The following HERC1 variants were observed in gnomAD, a reference collection of about 807,000 sequenced individuals.
The protein encoded by HERC1 is HECT and RLD domain containing E3 ubiquitin protein ligase family member 1.
Under a neutral mutation model 554.3 loss-of-function variants are expected in HERC1, and 160 were observed. That is an observed-to-expected ratio of 0.29 (90% CI 0.25 to 0.33). The LOEUF (loss-of-function observed/expected upper bound fraction) is 0.33. Ranked by LOEUF, HERC1 falls within the 10% of genes least tolerant of loss-of-function variation. The pLI is 1.00. For synonymous variants in HERC1, 2,175 were observed against 2,131.7 expected (o/e 1.02, Z -0.56); for missense variants, 4,919 against 5,918.5 (o/e 0.83, Z 5.54).
chr15:63,628,572 G>T (rs1191270043), intron 70 of HERC1, 105 bp downstream of exon 70: 7 of 1,208,408 alleles, frequency 5.8e-6, no homozygotes, highest in African/African-American at 1.5e-5. Flanking sequence ...AGGCTTGATG[G>T]TTTCACAACG....
chr15:63,706,052 A>AAG (rs1596023236), intron 25 of HERC1, among the ~76,000 whole-genome samples: 2 of 149,386 alleles, frequency 1.3e-5, no homozygotes, highest in East Asian at 1.9e-4. Flanking sequence ...AAAAAAAAAA[A>AAG]GCAGCAGTAC....
At chr15:63,707,107 AT>A (rs1466717998) in intron 24 of HERC1, among the ~76,000 whole-genome samples, 2 of 152,190 alleles carry the variant, frequency 1.3e-5, no homozygotes, top group Non-Finnish European at 2.9e-5. Flanking sequence ...TTCCATTGGA[AT>A]CTTTGTCTTT....
intron 1 of HERC1, among the ~76,000 whole-genome samples, chr15:63,827,456 A>C (rs1052235542): frequency 6.6e-6 from 1 of 152,130 alleles, no homozygotes; most frequent in Non-Finnish European, 1.5e-5. Context: ...AATGAAAGGA[A>C]TATCTCTTCA....
chr15:63,624,818 A>T (rs767800938), intron 71 of HERC1, among the ~76,000 whole-genome samples: 1 of 152,254 alleles, frequency 6.6e-6, no homozygotes, highest in Non-Finnish European at 1.5e-5. Flanking sequence ...ATATATAATT[A>T]CCATTTTTAA....
chr15:63,750,828 G>A lies in HERC1; in HGVS notation c.1903-1037C>T, dbSNP rs2075214687. On this transcript the variant is annotated intron_variant, in intron 8 of 77. Coordinates refer to ENST00000443617, the MANE Select transcript of HERC1 (RefSeq NM_003922.4). Reference sequence around the variant, plus strand: ...CAGGCCTGTGGTCCCAGCTACTCGGGAGCTGGGATGGGGAAGATCTCTTGA... The same window carrying A: ...CAGGCCTGTGGTCCCAGCTACTCGGAAGCTGGGATGGGGAAGATCTCTTGA... Among the ~76,000 whole-genome samples, 4 of 152,262 alleles carry A rather than the reference G, an allele frequency of 2.6e-5. No individual in the cohort carries two copies. The South Asian group carries it at 8.3e-4, about 32-fold the overall frequency.
At chr15:63,768,311 G>A (rs1252595091) in intron 2 of HERC1, among the ~76,000 whole-genome samples, 1 of 152,242 alleles carries the variant, frequency 6.6e-6, no homozygotes, top group African/African-American at 2.4e-5. Flanking sequence ...AGTAAGTAGA[G>A]AAGAAGCCTA....
In HERC1 at chr15:63,640,356, C is replaced by A; in HGVS notation, c.11697G>T (p.Leu3899=). ...SLAVGLHLDQ[L]LCNPPVPPHH... is the part of the protein sequence containing the mutation. Reference sequence around the variant, plus strand: ...GTGGTGGCACTGGAGGGTTACACAACAGCTGATCCAGATGAAGTCCCACAG... The same window carrying A: ...GTGGTGGCACTGGAGGGTTACACAAAAGCTGATCCAGATGAAGTCCCACAG... Residue 3899 remains leucine (L), a synonymous_variant, in exon 61 of 78, where the codon CTG becomes CTT. Transcript: ENST00000443617. The A allele has an allele frequency of 1.2e-6, 2 of 1,613,816 alleles. No individual in the cohort carries two copies. The highest frequency in any genetic ancestry group is 8.5e-7 in the Non-Finnish European group (1 of 1,179,788).
intron 1 of HERC1, among the ~76,000 whole-genome samples, chr15:63,778,478 G>C (rs1238934501): frequency 6.6e-6 from 1 of 152,094 alleles, no homozygotes; most frequent in Non-Finnish European, 1.5e-5. Flanking sequence ...GAAACGCAGA[G>C]GAAAGAAAAA....
rs2075421425 is a variant in HERC1 at position 63,756,354 on chromosome 15, G to C, written c.1533+83C>G. On this transcript the variant is annotated intron_variant, in intron 5 of 77. Transcript: ENST00000443617. This position sits in a 1 kb window ranked among gnomAD's most constrained non-coding sequence, Gnocchi z 5.0. ...AGGGTTGAAGGGGCAACTGCAGAAA[G>C]AACACATCAAAATCTGAACGACATT... 1 of 1,183,204 alleles carries C rather than the reference G, an allele frequency of 8.5e-7. No individual in the cohort carries two copies. The highest frequency in any genetic ancestry group is 1.2e-6 in the Non-Finnish European group (1 of 825,214). 73.3% of individuals were successfully genotyped at this position (1,183,204 alleles called of 1,614,324 possible).
intron 67 of HERC1, 66 bp downstream of exon 67, chr15:63,633,782 A>G (rs760789761): frequency 5.5e-5 from 82 of 1,502,274 alleles, no homozygotes; most frequent in Admixed American, 1.0e-4. Flanking sequence ...CCAACTAATA[A>G]TAACTACTGA....
chr15:63,716,553 T>C (rs1032176848), intron 21 of HERC1, 80 bp from the exon 22 acceptor site: 39 of 1,200,258 alleles, frequency 3.2e-5, no homozygotes, highest in Non-Finnish European at 4.1e-5. Context: ...TTTAATTTTT[T>C]ATCATGGAAA....
Position 63,764,141 on chromosome 15 carries a change from A to C in HERC1, c.981T>G (p.Asp327Glu), listed in dbSNP as rs776851035. Reference sequence around the variant, plus strand: ...CTGCCTCGTAAAGGGAGCACAAGCCATCCGATGTTCTGGTTGGTTCTCTCC... The same window carrying C: ...CTGCCTCGTAAAGGGAGCACAAGCCCTCCGATGTTCTGGTTGGTTCTCTCC... The part of the protein sequence containing the change: ...SQWREPTRTS[D>E]GLCSLYEAAL... The change falls in exon 3 of 78, where the codon GAT becomes GAG. Residue 327 changes from aspartate to glutamate, a missense_variant. Coordinates refer to ENST00000443617, the MANE Select transcript of HERC1 (RefSeq NM_003922.4). The C allele has an allele frequency of 6.2e-7, 1 of 1,611,478 alleles. No individual in the cohort carries two copies. The highest frequency in any genetic ancestry group is 2.2e-5 in the East Asian group (1 of 44,862).
At chr15:63,647,709 G>T (rs978798144) in intron 55 of HERC1, among the ~76,000 whole-genome samples, 1 of 152,158 alleles carries the variant, frequency 6.6e-6, no homozygotes, top group Non-Finnish European at 1.5e-5. Flanking sequence ...AACATGGTTG[G>T]AACTGAAGCC....
intron 1 of HERC1, among the ~76,000 whole-genome samples, chr15:63,787,793 G>A (rs910723258): frequency 6.6e-5 from 10 of 151,554 alleles, no homozygotes; most frequent in Non-Finnish European, 8.8e-5. Context: ...GCAAAACCCC[G>A]ACTCTACAAA....
chr15:63,630,395 T>A, intron 69 of HERC1, 71 bp downstream of exon 69: 5 of 1,459,522 alleles, frequency 3.4e-6, no homozygotes, highest in Non-Finnish European at 4.7e-6. Flanking sequence ...CTAGCTTATC[T>A]CTTTCCCCAA....
In HERC1 at chr15:63,632,756, A is replaced by G. The variant is rs1353861375; in HGVS notation, c.12749T>C (p.Phe4250Ser). The change falls in exon 68 of 78, where the codon TTT becomes TCT. Residue 4250 changes from phenylalanine to serine, a missense_variant. By Grantham distance (155) the Phe-to-Ser change is radical. Coordinates refer to ENST00000443617, the MANE Select transcript of HERC1 (RefSeq NM_003922.4). ...GIKKVACGTQ[F>S]SVALTKDGHV... ...ACCATCTTTGGTCAAAGCAACAGAAAACTGAGTTCCACAAGCAACCTTTTT... is the reference window on the plus strand; with the variant it reads ...ACCATCTTTGGTCAAAGCAACAGAAGACTGAGTTCCACAAGCAACCTTTTT... 2 of 1,569,998 alleles carry G rather than the reference A, an allele frequency of 1.3e-6. No homozygotes were observed. Among genetic ancestry groups the G allele is most frequent in the East Asian group, 2.3e-5 (1 of 43,304 alleles).
chr15:63,657,644 T>G (rs2070120440), intron 48 of HERC1, among the ~76,000 whole-genome samples: 1 of 152,108 alleles, frequency 6.6e-6, no homozygotes, highest in African/African-American at 2.4e-5. Context: ...GTATTCCAAT[T>G]TATCAATCTT....
chr15:63,739,194 A>ATT (rs1567071803), intron 12 of HERC1, among the ~76,000 whole-genome samples: 2 of 50,640 alleles, frequency 3.9e-5, no homozygotes, highest in African/African-American at 1.4e-4. Flanking sequence ...CCACTAATAT[A>ATT]CTTTTTTTTT....
intron 8 of HERC1, among the ~76,000 whole-genome samples, chr15:63,752,054 A>G (rs1464845298): frequency 1.3e-5 from 2 of 152,194 alleles, no homozygotes; most frequent in South Asian, 2.1e-4. Context: ...TCTAACTTCA[A>G]TTCATGGATT....
Sources: gnomAD v4.1 joint callset for allele counts (sites outside exome capture counted in the v4.1 genomes callset) on GRCh38, gnomAD v4.1.1 for gene constraint, Gnocchi (gnomAD v3.1) non-coding constraint, MANE v1.5 for transcripts, NCBI Gene and HGNC (gene_info 2026-07-23, HGNC 2026-07-21) for gene names.